The following MUSK variants were observed in gnomAD, a reference collection of about 807,000 sequenced individuals.
MUSK encodes the protein muscle, skeletal receptor tyrosine-protein kinase.
MUSK carries 55 observed loss-of-function variants against 88.7 expected under a neutral mutation model. The observed-to-expected ratio is 0.62, with a 90% confidence interval of 0.50 to 0.78. The LOEUF (loss-of-function observed/expected upper bound fraction) is 0.78. Among genes scored for constraint, MUSK ranks in the 30% least tolerant of loss-of-function variants. The pLI, the probability that MUSK is intolerant of heterozygous loss-of-function variation, is 0.00. For synonymous variants in MUSK, 387 were observed against 391.9 expected, an observed-to-expected ratio of 0.99 and a Z score of 0.15; for missense variants, 1,015 against 1,074.3, an observed-to-expected ratio of 0.94 and a Z score of 0.77.
At chr9:110,670,863 A>T (rs1459092955) in intron 1 of MUSK, among the ~76,000 whole-genome samples, 2 of 152,178 alleles carry the variant, frequency 1.3e-5, no homozygotes, top group Non-Finnish European at 2.9e-5. Flanking sequence ...TACATACAGC[A>T]GTTCTGAGAA....
intron 11 of MUSK, among the ~76,000 whole-genome samples, chr9:110,781,435 C>T (rs1393542109): frequency 6.6e-6 from 1 of 152,100 alleles, no homozygotes; most frequent in Non-Finnish European, 1.5e-5. Flanking sequence ...CACCACCATG[C>T]CCAGCTAATT....
chr9:110,771,218 T>G (rs1209847655), intron 9 of MUSK, among the ~76,000 whole-genome samples: 1 of 124,660 alleles, frequency 8.0e-6, no homozygotes, highest in Non-Finnish European at 1.6e-5. Flanking sequence ...TGTCTCAGCC[T>G]CCCAAGTAGC....
intron 5 of MUSK, among the ~76,000 whole-genome samples, chr9:110,722,603 G>A (rs150584322): frequency 2.0e-4 from 31 of 151,892 alleles, no homozygotes; most frequent in African/African-American, 7.0e-4. Flanking sequence ...AATCAGCAGA[G>A]TTAACAGACA....
At chr9:110,753,083 G>A (rs2077267495) in intron 7 of MUSK, among the ~76,000 whole-genome samples, 1 of 152,094 alleles carries the variant, frequency 6.6e-6, no homozygotes, top group Non-Finnish European at 1.5e-5. Context: ...TACCAATAGT[G>A]AGCATAGTCC....
At chr9:110,704,768 G>C (rs963977906) in intron 5 of MUSK, among the ~76,000 whole-genome samples, 1 of 151,876 alleles carries the variant, frequency 6.6e-6, no homozygotes, top group African/African-American at 2.4e-5. Flanking sequence ...GGCGAATCAC[G>C]AGGTTAGGAG....
Position 110,704,899 on chromosome 9 carries a change from C to T in MUSK, c.628+7433C>T, listed in dbSNP as rs192802406. Among the ~76,000 whole-genome samples the T allele has an allele frequency of 6.3e-4, 96 of 151,404 alleles. 1 individual carries two copies. In the East Asian group the frequency reaches 0.017, roughly 27 times the overall value. On this transcript the variant is annotated intron_variant, in intron 5 of 14. Coordinates refer to ENST00000374448, the MANE Select transcript of MUSK (RefSeq NM_005592.4). The stretch of plus-strand genomic sequence containing the variant: ...ACTCAGGAGGCTGAGGCAGGAAAAT[C>T]ACTTGAACCCAGGAGGCAGAGGTTG...
At chr9:110,694,526 A>C (rs991306489) in intron 3 of MUSK, among the ~76,000 whole-genome samples, 8 of 152,090 alleles carry the variant, frequency 5.3e-5, no homozygotes, top group Non-Finnish European at 1.2e-4. Flanking sequence ...TCCATATTTC[A>C]TGCGTTCCTT....
At chr9:110,739,580 A>G (rs1190529038) in intron 6 of MUSK, among the ~76,000 whole-genome samples, 1 of 152,180 alleles carries the variant, frequency 6.6e-6, no homozygotes, top group Non-Finnish European at 1.5e-5. Context: ...ATATAAAGAT[A>G]TTCTTATTAC....
At chr9:110,713,920 A>G (rs2076711405) in intron 5 of MUSK, among the ~76,000 whole-genome samples, 1 of 152,178 alleles carries the variant, frequency 6.6e-6, no homozygotes, top group Non-Finnish European at 1.5e-5. Context: ...GTTATACAGG[A>G]TGCTAACATT....
intron 13 of MUSK, among the ~76,000 whole-genome samples, chr9:110,786,869 G>C (rs1030916606): frequency 2.6e-5 from 4 of 152,080 alleles, no homozygotes; most frequent in Admixed American, 2.6e-4. Flanking sequence ...ACTTCGGCCT[G>C]GTGCTCTTGG....
At chr9:110,740,368 T>C (rs1169464583) in intron 6 of MUSK, among the ~76,000 whole-genome samples, 1 of 152,174 alleles carries the variant, frequency 6.6e-6, no homozygotes. Context: ...TGGCTTCACA[T>C]GGTTATCTCC....
At chr9:110,800,241 G>T in intron 14 of MUSK, 65 bp from the exon 15 acceptor site, 187 of 1,279,506 alleles carry the variant, frequency 1.5e-4, no homozygotes, top group Middle Eastern at 7.9e-4. Flanking sequence ...GTTTGCTTTT[G>T]GAGTGCTCTT....
rs956819781 is a variant in MUSK at position 110,734,390 on chromosome 9, T to A, written c.753+15T>A. ...ACGGAAATGCTGTGAGTGTCATGTGTGTGGGGACTTGTCTGGGGAAGACCC... is the reference window on the plus strand; with the variant it reads ...ACGGAAATGCTGTGAGTGTCATGTGAGTGGGGACTTGTCTGGGGAAGACCC... On this transcript the variant is annotated intron_variant, in intron 6 of 14. Coordinates refer to ENST00000374448, the MANE Select transcript of MUSK (RefSeq NM_005592.4). 2 of 1,612,960 alleles carry A rather than the reference T, an allele frequency of 1.2e-6. No homozygotes were observed. The highest frequency in any genetic ancestry group is 1.7e-6 in the Non-Finnish European group (2 of 1,179,216).
chr9:110,769,452 G>A (rs372396043), intron 9 of MUSK, among the ~76,000 whole-genome samples: 52 of 152,022 alleles, frequency 3.4e-4, no homozygotes, highest in Admixed American at 5.9e-4. Flanking sequence ...GAATAAGAAG[G>A]GGAAAGAGAA....
intron 9 of MUSK, among the ~76,000 whole-genome samples, chr9:110,769,134 A>T (rs2077528826): frequency 6.6e-6 from 1 of 152,220 alleles, no homozygotes; most frequent in African/African-American, 2.4e-5. Context: ...GAAACTAGAT[A>T]GACATTGTTA....
chr9:110,760,831 A>G (rs960345816), intron 7 of MUSK, among the ~76,000 whole-genome samples: 2 of 152,168 alleles, frequency 1.3e-5, no homozygotes, highest in South Asian at 2.1e-4. Flanking sequence ...ACCCTCACCA[A>G]TCTCAAAGAG....
chr9:110,762,330 T>G, intron 8 of MUSK, 122 bp downstream of exon 8: 1 of 634,304 alleles, frequency 1.6e-6, no homozygotes, highest in Non-Finnish European at 2.4e-6. Context: ...GAGTATGTTT[T>G]GTTTTTGTTA....
rs565051347 is a variant in MUSK at position 110,680,027 on chromosome 9, T to C, written c.80-2647T>C. 2.0e-5 allele frequency among the ~76,000 whole-genome samples: 3 copies of C among 152,168 alleles called. No individual in the cohort carries two copies. In the South Asian group the frequency reaches 6.2e-4, roughly 31 times the overall value. On this transcript the variant is annotated intron_variant, in intron 1 of 14. Coordinates refer to ENST00000374448, the MANE Select transcript of MUSK (RefSeq NM_005592.4). Reference sequence around the variant, plus strand: ...TTGTTTTTTATAACTCACCCCTTTCTTTCTGGTATAAATTATTCCTTAGTG... The same window carrying C: ...TTGTTTTTTATAACTCACCCCTTTCCTTCTGGTATAAATTATTCCTTAGTG...
intron 8 of MUSK, 128 bp from the exon 9 acceptor site, chr9:110,767,692 A>G (rs2077505367): frequency 2.0e-6 from 2 of 1,005,650 alleles, no homozygotes; most frequent in East Asian, 4.8e-5. Flanking sequence ...GAGCGTGTCA[A>G]CCAATTTACT....
Sources: gnomAD v4.1 joint callset for allele counts (sites outside exome capture counted in the v4.1 genomes callset) on GRCh38, gnomAD v4.1.1 for gene constraint, MANE v1.5 for transcripts, NCBI Gene and HGNC (gene_info 2026-07-23, HGNC 2026-07-21) for gene names.